The following CLEC6A variants were observed in gnomAD, a reference collection of about 807,000 sequenced individuals.
CLEC6A encodes C-type lectin domain containing 6A.
In CLEC6A, 22 loss-of-function variants were observed where a neutral mutation model predicts 25.7. The ratio of observed to expected loss-of-function variants is 0.85; its 90% CI spans 0.61 to 1.22. CLEC6A has a LOEUF of 1.22. Ranked by LOEUF, CLEC6A falls within the 50% of genes most tolerant of loss-of-function variation. CLEC6A has a pLI of 0.00. For missense variants in CLEC6A, 240 were observed against 236.8 expected, an observed-to-expected ratio of 1.01 and a Z score of -0.09; for synonymous variants, 92 against 76.7, an observed-to-expected ratio of 1.20 and a Z score of -1.04.
intron 4 of CLEC6A, among the ~76,000 whole-genome samples, chr12:8,470,810 G>A (rs1042255257): frequency 6.6e-6 from 1 of 151,994 alleles, no homozygotes; most frequent in African/African-American, 2.4e-5. Flanking sequence ...CACTGCTTAG[G>A]TATGGGTGCA....
In CLEC6A at chr12:8,477,370, T is replaced by C; in HGVS notation, c.536T>C (p.Ile179Thr). 1.2e-6 allele frequency: 2 copies of C among 1,612,638 alleles called. No homozygotes were observed. Among genetic ancestry groups the C allele is most frequent in the Non-Finnish European group, 8.5e-7 (1 of 1,178,964 alleles). ...PNHSAEQCAS[I>T]VFWKPTGWGW... The stretch of plus-strand genomic sequence containing the variant: ...CATTCTGCAGAGCAATGTGCTTCAA[T>C]AGTCTTCTGGAAACCTACAGGATGG... Residue 179 changes from isoleucine to threonine, a missense_variant, in exon 6 of 6, where the codon ATA (isoleucine) becomes ACA (threonine). Ile to Thr is a moderately conservative substitution (Grantham distance 89). Transcript: ENST00000382073.
At chr12:8,470,949 A>T (rs1160359505) in intron 4 of CLEC6A, among the ~76,000 whole-genome samples, 1 of 152,086 alleles carries the variant, frequency 6.6e-6, no homozygotes, top group Non-Finnish European at 1.5e-5. Flanking sequence ...TATGACTTTT[A>T]TCATGTTGAG....
chr12:8,465,824 A>C (rs1426006601), intron 4 of CLEC6A, among the ~76,000 whole-genome samples, 195 bp downstream of exon 4: 1 of 152,152 alleles, frequency 6.6e-6, no homozygotes, highest in Non-Finnish European at 1.5e-5. Context: ...CCATTTCCCC[A>C]TCCCTGAAAG....
intron 1 of CLEC6A, among the ~76,000 whole-genome samples, chr12:8,457,616 G>A (rs1015149885): frequency 6.6e-6 from 1 of 152,158 alleles, no homozygotes; most frequent in Non-Finnish European, 1.5e-5. Flanking sequence ...CAAAAGTGAT[G>A]TTTTGAGAAA....
intron 3 of CLEC6A, 65 bp downstream of exon 3, chr12:8,459,763 A>T: frequency 1.0e-6 from 1 of 993,932 alleles, no homozygotes; most frequent in Non-Finnish European, 1.6e-6. Flanking sequence ...GTTGAGCTCA[A>T]GATTGGTGTA....
chr12:8,458,966 A>C (rs1255164412), intron 2 of CLEC6A, among the ~76,000 whole-genome samples: 1 of 152,188 alleles, frequency 6.6e-6, no homozygotes, highest in African/African-American at 2.4e-5. Context: ...CATTAAAAAT[A>C]TTTTTATAAA....
intron 3 of CLEC6A, among the ~76,000 whole-genome samples, chr12:8,465,165 G>T (rs1939813245): frequency 1.3e-5 from 2 of 151,800 alleles, no homozygotes; most frequent in Non-Finnish European, 2.9e-5. Flanking sequence ...AGGTTCGTCT[G>T]TGTTAGTCGT....
At chr12:8,467,169 C>T (rs1439978871) in intron 4 of CLEC6A, among the ~76,000 whole-genome samples, 1 of 151,954 alleles carries the variant, frequency 6.6e-6, no homozygotes, top group Admixed American at 6.6e-5. Context: ...TGATTGTTTC[C>T]TTTGCTTTGT....
chr12:8,456,139 A>G lies in CLEC6A; in HGVS notation c.28A>G (p.Thr10Ala). The G allele has an allele frequency of 6.2e-7, 1 of 1,613,768 alleles. No homozygotes were observed. Among genetic ancestry groups the G allele is most frequent in the South Asian group, 1.1e-5 (1 of 91,066 alleles). Residue 10 changes from threonine to alanine, a missense_variant, in exon 1 of 6, where the codon ACA becomes GCA. By Grantham distance (58) the Thr-to-Ala change is moderately conservative. Coordinates refer to ENST00000382073, the MANE Select transcript of CLEC6A (RefSeq NM_001007033.2). ...GATGCAAGAGCAGCAACCTCAAAGT[A>G]CAGGTGAGTATTTCCTCAGTTTCAG... Reference protein sequence around the residue: MMQEQQPQSTEKRGWLSLRL... With the variant: MMQEQQPQSAEKRGWLSLRL...
At chr12:8,456,268 G>A in intron 1 of CLEC6A, 126 bp downstream of exon 1, 1 of 825,964 alleles carries the variant, frequency 1.2e-6, no homozygotes, top group South Asian at 1.8e-5. Flanking sequence ...AGACTCAAAG[G>A]AATTTGAAAG....
Position 8,465,649 on chromosome 12 carries a change from T to C in CLEC6A, c.369+20T>C. ...GAGCAGGTACTGTTTCCATTTAAAA[T>C]TTATTTAATTGTAGAGAAAACACAC... On this transcript the variant is annotated intron_variant, in intron 4 of 5. Transcript: ENST00000382073. The C allele has an allele frequency of 9.4e-6, 15 of 1,597,520 alleles. No homozygotes were observed. Among genetic ancestry groups the C allele is most frequent in the Non-Finnish European group, 1.3e-5 (15 of 1,171,430 alleles).
intron 4 of CLEC6A, 144 bp downstream of exon 4, chr12:8,465,773 C>G (rs757423176): frequency 1.6e-6 from 1 of 624,360 alleles, no homozygotes; most frequent in African/African-American, 1.9e-5. Flanking sequence ...ACTTTTTCAT[C>G]TTGCAAAACT....
In CLEC6A at chr12:8,477,760, CTG is replaced by C. The variant is rs1377302791; in HGVS notation, c.*298_*299del. The C allele has an allele frequency of 5.0e-6, 1 of 200,858 alleles. No homozygotes were observed. The highest frequency in any genetic ancestry group is 2.3e-5 in the African/African-American group (1 of 42,740). 12.4% of individuals were successfully genotyped at this position (200,858 alleles called of 1,614,324 possible). On this transcript the variant is annotated 3_prime_UTR_variant, in exon 6 of 6. Transcript: ENST00000382073. Reference sequence around the variant, plus strand: ...ACACAAATATTTATTGTTTCAGAGACTGTACTATTTTGTTTGTTAGAAGATTT... The same window carrying C: ...ACACAAATATTTATTGTTTCAGAGACTACTATTTTGTTTGTTAGAAGATTT...
intron 4 of CLEC6A, among the ~76,000 whole-genome samples, chr12:8,475,185 C>T (rs776018654): frequency 7.2e-5 from 11 of 152,034 alleles, no homozygotes; most frequent in African/African-American, 2.7e-4. Context: ...TAGTAATTTG[C>T]TACTTTCTAG....
Position 8,459,697 on chromosome 12 carries a change from A to G in CLEC6A, c.222A>G (p.Pro74=), listed in dbSNP as rs760467769. ...GCTTCAGTGAAGGGACAAAGGTGCC[A>G]GGTAAATCTTTAAAATACTGAAATA... ...LTCFSEGTKV[P]AWGCCPASWK... is the part of the protein sequence containing the mutation. The change falls in exon 3 of 6, where the codon CCA becomes CCG. Residue 74 remains proline, a splice_region_variant and synonymous_variant. Coordinates refer to ENST00000382073, the MANE Select transcript of CLEC6A (RefSeq NM_001007033.2). 5.6e-6 allele frequency: 9 copies of G among 1,597,398 alleles called. No homozygotes were observed. The Admixed American group carries it at 1.2e-4, about 21-fold the overall frequency.
chr12:8,463,531 T>C (rs2136359473), intron 3 of CLEC6A, among the ~76,000 whole-genome samples: 1 of 152,354 alleles, frequency 6.6e-6, no homozygotes, highest in South Asian at 2.1e-4. Flanking sequence ...ATTTTGGATA[T>C]TCTTTCAGCA....
intron 4 of CLEC6A, among the ~76,000 whole-genome samples, chr12:8,472,209 CA>C (rs1341355342): frequency 6.6e-6 from 1 of 152,158 alleles, no homozygotes; most frequent in East Asian, 1.9e-4. Context: ...TGTACTTTTC[CA>C]GATAAAGTAA....
chr12:8,468,888 T>G (rs1049964158), intron 4 of CLEC6A, among the ~76,000 whole-genome samples: 1 of 152,090 alleles, frequency 6.6e-6, no homozygotes. Flanking sequence ...AAGACAAGGA[T>G]GCCCACTCTT....
chr12:8,458,080 A>G (rs958113521), intron 2 of CLEC6A, 93 bp downstream of exon 2: 2 of 802,424 alleles, frequency 2.5e-6, no homozygotes, highest in African/African-American at 3.5e-5. Context: ...TGCCCCATTA[A>G]TACGTCAGCT....
Sources: allele counts gnomAD v4.1 joint callset (sites outside exome capture counted in the v4.1 genomes callset), GRCh38; gene constraint gnomAD v4.1.1; transcripts MANE v1.5; gene names NCBI Gene and HGNC (gene_info 2026-07-23, HGNC 2026-07-21).